The following STX18 variants were observed in gnomAD, a reference collection of about 807,000 sequenced individuals.
STX18 encodes the protein syntaxin 18.
STX18 carries 40 observed loss-of-function variants against 50.1 expected under a neutral mutation model. That is an observed-to-expected ratio of 0.80 (90% CI 0.62 to 1.04). STX18 has a LOEUF of 1.04. Among genes scored for constraint, STX18 ranks in the 50% least tolerant of loss-of-function variants. The pLI, the probability that STX18 is intolerant of heterozygous loss-of-function variation, is 0.00. For missense variants in STX18, 410 were observed against 415.8 expected, an observed-to-expected ratio of 0.99 and a Z score of 0.12; for synonymous variants, 158 against 151.8, an observed-to-expected ratio of 1.04 and a Z score of -0.30.
At chr4:4,434,300 C>A (rs1301366555) in intron 7 of STX18, among the ~76,000 whole-genome samples, 1 of 152,156 alleles carries the variant, frequency 6.6e-6, no homozygotes, top group East Asian at 1.9e-4. Flanking sequence ...TTGAAACCCA[C>A]CCATAGATGG....
intron 3 of STX18, 91 bp from the exon 4 acceptor site, chr4:4,457,591 G>C (rs1319361046): frequency 2.1e-6 from 2 of 959,954 alleles, no homozygotes; most frequent in Non-Finnish European, 3.2e-6. Context: ...TCTTTATTGA[G>C]AGTATTTTTT....
At chr4:4,527,865 C>CATATATATATATATATATAT (rs1164396031) in intron 1 of STX18, among the ~76,000 whole-genome samples, 147 of 103,506 alleles carry the variant, frequency 1.4e-3, no homozygotes, top group African/African-American at 4.8e-3. Context: ...CACACACACA[C>CATATATATATATATATATAT]ACATATATAT....
chr4:4,454,405 A>G (rs1726954961), intron 5 of STX18, among the ~76,000 whole-genome samples: 1 of 152,220 alleles, frequency 6.6e-6, no homozygotes, highest in Non-Finnish European at 1.5e-5. Flanking sequence ...GCTGAGAAAC[A>G]AGAACTAAGG....
Position 4,420,441 on chromosome 4 carries a change from ACATGATGTC to A in STX18, c.913-321_913-313del. ...ACCGCAAGCTTTGTGTTTCCCAGTA[ACATGATGTC>A]CGTGGTGACCCAACCCTGAGGACTG... On this transcript the variant is annotated intron_variant, in intron 10 of 10. Transcript: ENST00000306200. This position sits in a 1 kb window ranked among gnomAD's most constrained non-coding sequence, Gnocchi z 4.3. 2.4e-6 allele frequency: 1 copy of A among 420,426 alleles called. No individual in the cohort carries two copies. Among genetic ancestry groups the A allele is most frequent in the Non-Finnish European group, 4.4e-6 (1 of 229,816 alleles). 26.0% of individuals were successfully genotyped at this position (420,426 alleles called of 1,614,324 possible). A position where few individuals can be genotyped will look rare whatever the true frequency, so the allele number is the denominator to read the frequency against.
At chr4:4,529,826 C>A (rs749005462) in intron 1 of STX18, among the ~76,000 whole-genome samples, 1 of 152,184 alleles carries the variant, frequency 6.6e-6, no homozygotes, top group Non-Finnish European at 1.5e-5. Context: ...AGGTGCTCAA[C>A]AAGTGGTAGC....
chr4:4,468,904 G>C (rs896336739), intron 2 of STX18, among the ~76,000 whole-genome samples: 3 of 152,098 alleles, frequency 2.0e-5, no homozygotes, highest in Non-Finnish European at 4.4e-5. Context: ...AAATGGATAA[G>C]CAAACTATGG....
At chr4:4,537,601 A>G (rs924179561) in intron 1 of STX18, among the ~76,000 whole-genome samples, 5 of 152,204 alleles carry the variant, frequency 3.3e-5, no homozygotes, top group Non-Finnish European at 5.9e-5. Context: ...TTCCAGTTAT[A>G]TGAGCTAAGG....
chr4:4,461,035 C>T (rs145743576), intron 2 of STX18, among the ~76,000 whole-genome samples: 112 of 152,238 alleles, frequency 7.4e-4, no homozygotes, highest in Non-Finnish European at 1.6e-3. Flanking sequence ...GAATATGTAC[C>T]CTGCAGACAG....
At chr4:4,480,432 G>T (rs531364612) in intron 1 of STX18, among the ~76,000 whole-genome samples, 1 of 152,072 alleles carries the variant, frequency 6.6e-6, no homozygotes. Flanking sequence ...ACTCCTATGC[G>T]TGAGGCTCTG....
At chr4:4,429,370 G>C (rs1477018830) in intron 7 of STX18, among the ~76,000 whole-genome samples, 1 of 152,170 alleles carries the variant, frequency 6.6e-6, no homozygotes. Flanking sequence ...TGAATATATT[G>C]TTATAGAAAT....
In STX18 at chr4:4,425,305, G is replaced by T. The variant is rs1467830527; in HGVS notation, c.703-83C>A. ...GCAAGAAAGCGGACCTACGCTCCAG[G>T]AATCACTGCCGAAGCCCCCATTTCC... On this transcript the variant is annotated intron_variant, in intron 7 of 10. Coordinates refer to ENST00000306200, the MANE Select transcript of STX18 (RefSeq NM_016930.4). 10 of 1,276,208 alleles carry T rather than the reference G, an allele frequency of 7.8e-6. No homozygotes were observed. In the East Asian group the frequency reaches 9.3e-5, roughly 12 times the overall value. The allele number at this position is 1,276,208 out of a possible 1,614,324, so 79.1% of individuals were successfully genotyped here.
At chr4:4,515,797 G>C (rs910493315) in intron 1 of STX18, among the ~76,000 whole-genome samples, 1 of 151,890 alleles carries the variant, frequency 6.6e-6, no homozygotes, top group Non-Finnish European at 1.5e-5. Context: ...CATTTTAAAG[G>C]CTACTTAAAA....
At chr4:4,462,271 G>A (rs989724575) in intron 2 of STX18, among the ~76,000 whole-genome samples, 24 of 152,168 alleles carry the variant, frequency 1.6e-4, no homozygotes, top group Admixed American at 1.6e-3. Context: ...GTCAAATGGG[G>A]TTCCAATTCA....
rs1577313405 is a variant in STX18 at position 4,428,953 on chromosome 4, C to A, written c.703-3731G>T. Among the ~76,000 whole-genome samples the A allele has an allele frequency of 2.0e-5, 3 of 152,284 alleles. No homozygotes were observed. In the East Asian group the frequency reaches 5.8e-4, roughly 29 times the overall value. On this transcript the variant is annotated intron_variant, in intron 7 of 10. Coordinates refer to ENST00000306200, the MANE Select transcript of STX18 (RefSeq NM_016930.4). ...TGGGCCCTCCATGCATGGTGGTTGC[C>A]AGCCGCTGCTCTGGGCTCCCTGCAT...
chr4:4,485,090 A>G (rs1441457779), intron 1 of STX18, among the ~76,000 whole-genome samples: 1 of 152,184 alleles, frequency 6.6e-6, no homozygotes, highest in Non-Finnish European at 1.5e-5. Context: ...AAAGGATGAA[A>G]CCAGGTAAAA....
In STX18 at chr4:4,419,982, G is replaced by T; in HGVS notation, c.*52C>A. ...CAGCACTGGAAGTACATGAAAGCAC[G>T]CAGTCTGTGAGTGCCCATGAGGACT... On this transcript the variant is annotated 3_prime_UTR_variant, in exon 11 of 11. Transcript: ENST00000306200. The T allele has an allele frequency of 6.9e-7, 1 of 1,446,348 alleles. No individual in the cohort carries two copies. Among genetic ancestry groups the T allele is most frequent in the Non-Finnish European group, 9.6e-7 (1 of 1,046,324 alleles). The allele number at this position is 1,446,348 out of a possible 1,614,324, so 89.6% of individuals were successfully genotyped here.
At chr4:4,501,376 A>G (rs1365442885) in intron 1 of STX18, among the ~76,000 whole-genome samples, 1 of 152,156 alleles carries the variant, frequency 6.6e-6, no homozygotes, top group Non-Finnish European at 1.5e-5. Flanking sequence ...CATTGCTGCC[A>G]CCTCTCTCTC....
chr4:4,506,057 A>G (rs1729692467), intron 1 of STX18, among the ~76,000 whole-genome samples: 1 of 152,230 alleles, frequency 6.6e-6, no homozygotes, highest in South Asian at 2.1e-4. Flanking sequence ...TTATTTATCC[A>G]TTCATCAGTT....
At chr4:4,465,077 A>C (rs1015973573) in intron 2 of STX18, among the ~76,000 whole-genome samples, 1 of 151,888 alleles carries the variant, frequency 6.6e-6, no homozygotes, top group African/African-American at 2.4e-5. Context: ...AGTGCTATAA[A>C]TTTCCCTTTT....
Sources: gnomAD v4.1 joint callset for allele counts (sites outside exome capture counted in the v4.1 genomes callset) on GRCh38, gnomAD v4.1.1 for gene constraint, Gnocchi (gnomAD v3.1) non-coding constraint, MANE v1.5 for transcripts, NCBI Gene and HGNC (gene_info 2026-07-23, HGNC 2026-07-21) for gene names.